Variants in TRIM62 observed in about 807,000 individuals in gnomAD.
TRIM62 encodes the protein tripartite motif containing 62.
In TRIM62, 39 loss-of-function variants were observed where a neutral mutation model predicts 44.2. That is an observed-to-expected ratio of 0.88 (90% CI 0.68 to 1.15). The LOEUF (loss-of-function observed/expected upper bound fraction) is 1.15, where lower values mean the gene tolerates loss of function less well. Among genes scored for constraint, TRIM62 ranks in the 50% most tolerant of loss-of-function variants. TRIM62 has a pLI of 0.00. For synonymous variants in TRIM62, 278 were observed against 292.3 expected, an observed-to-expected ratio of 0.95 and a Z score of 0.50; for missense variants, 544 against 665.5, an observed-to-expected ratio of 0.82 and a Z score of 2.01.
chr1:33,160,725 A>G (rs1645254818), intron 2 of TRIM62, among the ~76,000 whole-genome samples: 1 of 152,194 alleles, frequency 6.6e-6, no homozygotes, highest in African/African-American at 2.4e-5. Flanking sequence ...TTTTAAAAAA[A>G]TCATTCATGG....
chr1:33,158,448 G>C, intron 3 of TRIM62, 80 bp from the exon 4 acceptor site: 1 of 1,127,918 alleles, frequency 8.9e-7, no homozygotes, highest in South Asian at 1.3e-5. Flanking sequence ...GCCACCTTCA[G>C]GGCAGCTGGC....
intron 4 of TRIM62, among the ~76,000 whole-genome samples, chr1:33,153,090 T>G (rs1645125565): frequency 6.6e-6 from 1 of 151,684 alleles, no homozygotes; most frequent in African/African-American, 2.4e-5. Context: ...GAGTGACAGG[T>G]GCTGGATGGG....
At chr1:33,152,569 AAAAG>A (rs1490675794) in intron 4 of TRIM62, among the ~76,000 whole-genome samples, 2 of 146,964 alleles carry the variant, frequency 1.4e-5, no homozygotes, top group African/African-American at 4.9e-5. Flanking sequence ...CTCCGTCTCA[AAAAG>A]AAAAAAAAAA....
At chr1:33,151,775 A>T (rs1447176677) in intron 4 of TRIM62, among the ~76,000 whole-genome samples, 2 of 152,206 alleles carry the variant, frequency 1.3e-5, no homozygotes, top group African/African-American at 4.8e-5. Flanking sequence ...TTCAGGAAGG[A>T]TCATGGACTG....
At position 33,173,164 on chromosome 1, in the gene TRIM62, G is replaced by T. The variant is rs552171987; in HGVS notation, c.409-7598C>A. On this transcript the variant is annotated intron_variant, in intron 1 of 4. Transcript: ENST00000291416. ...TGCTCCTGGTCCTCCCAACAGACTG[G>T]AATTATTTTATATCTTTGAGCCCCA... 2.0e-3 allele frequency among the ~76,000 whole-genome samples: 302 copies of T among 152,158 alleles called. 3 individuals carry two copies. Among genetic ancestry groups the T allele is most frequent in the Non-Finnish European group, 3.0e-3 (201 of 68,010 alleles).
chr1:33,179,845 T>C (rs1645446749), intron 1 of TRIM62, among the ~76,000 whole-genome samples: 1 of 152,128 alleles, frequency 6.6e-6, no homozygotes, highest in African/African-American at 2.4e-5. Flanking sequence ...CACAGTAAAA[T>C]AGATTTATTT....
rs1557762459 is a variant in TRIM62 at position 33,174,968 on chromosome 1, T to TGCAC, written c.408+6056_408+6057insGTGC. Among the ~76,000 whole-genome samples the TGCAC allele has an allele frequency of 3.1e-3, 385 of 124,898 alleles. 5 individuals carry two copies. Among genetic ancestry groups the TGCAC allele is most frequent in the African/African-American group, 0.013 (363 of 27,460 alleles). The allele number at this position is 124,898 out of a possible 152,430, so 81.9% of individuals were successfully genotyped here. On this transcript the variant is annotated intron_variant, in intron 1 of 4. Coordinates refer to ENST00000291416, the MANE Select transcript of TRIM62 (RefSeq NM_018207.3). ...GTGTATATATATATATATATATATA[T>TGCAC]ACACACATATACATATATATGCACA...
chr1:33,147,236 G>A lies in TRIM62; in HGVS notation c.1369C>T (p.Gln457Ter). The A allele has an allele frequency of 6.2e-7, 1 of 1,614,062 alleles. No homozygotes were observed. Among genetic ancestry groups the A allele is most frequent in the Non-Finnish European group, 8.5e-7 (1 of 1,180,044 alleles). The change falls in exon 5 of 5, where the codon CAG becomes TAG. Residue 457 changes from glutamine (Q) to a stop codon, truncating the protein, a stop_gained. Coordinates refer to ENST00000291416, the MANE Select transcript of TRIM62 (RefSeq NM_018207.3). LOFTEE classifies it high-confidence loss of function. This position sits in a 1 kb window ranked among gnomAD's most constrained non-coding sequence, Gnocchi z 8.1. ...ACGTTCTTGCCATTGGCGTGGCTCT[G>A]GCCAGGGCTGAAGTAAGAGCAGAGC... is the stretch of plus-strand genomic sequence containing the variant. ...GKLCSYFSPG[Q>*]SHANGKNVQP...
intron 4 of TRIM62, among the ~76,000 whole-genome samples, chr1:33,151,309 C>T (rs1174758790): frequency 6.6e-6 from 1 of 152,084 alleles, no homozygotes; most frequent in Admixed American, 6.5e-5. Flanking sequence ...CAGGGCCTGC[C>T]ACTCTCTTAG....
rs1419780871 is a variant in TRIM62, at chr1:33,147,392, T to C, written c.1213A>G (p.Thr405Ala). 1 of 1,614,140 alleles carries C rather than the reference T, an allele frequency of 6.2e-7. No homozygotes were observed. The highest frequency in any genetic ancestry group is 8.5e-7 in the Non-Finnish European group (1 of 1,180,034). The change falls in exon 5 of 5, where the codon ACG (threonine) becomes GCG (alanine). Residue 405 changes from threonine to alanine, a missense_variant. By Grantham distance (58) the Thr-to-Ala change is moderately conservative (BLOSUM62 0). Transcript: ENST00000291416. The surrounding 1 kb of genome is among the most constrained non-coding windows in gnomAD (Gnocchi z 8.1). ...AGCTTGTCCCGGACGTTAAGCCGCG[T>C]CCAGGGCTCCGTGCAGGCGCTGTAC... ...NQYSACTEPWTRLNVRDKLDK... is the reference protein window; with the variant it reads ...NQYSACTEPWARLNVRDKLDK...
Position 33,181,238 on chromosome 1 carries a change from G to T in TRIM62, c.195C>A (p.Ser65Arg). Residue 65 changes from serine (S) to arginine (R), a missense_variant, in exon 1 of 5, where the codon AGC (serine) becomes AGA (arginine). Transcript: ENST00000291416. This position sits in a 1 kb window ranked among gnomAD's most constrained non-coding sequence, Gnocchi z 6.5. ...RTFAEPALAP[S>R]LKLANIVERY... Reference sequence around the variant, plus strand: ...GCTCCACGATGTTGGCCAGCTTGAGGCTGGGCGCCAGCGCGGGCTCGGCGA... The same window carrying T: ...GCTCCACGATGTTGGCCAGCTTGAGTCTGGGCGCCAGCGCGGGCTCGGCGA... 1.3e-6 allele frequency: 2 copies of T among 1,560,264 alleles called. No individual in the cohort carries two copies.
intron 1 of TRIM62, among the ~76,000 whole-genome samples, chr1:33,175,322 G>A (rs995905915): frequency 1.3e-5 from 2 of 151,954 alleles, no homozygotes; most frequent in African/African-American, 2.4e-5. Flanking sequence ...GATTACAGGC[G>A]TGGGCCACTG....
At chr1:33,148,040 C>A in intron 4 of TRIM62, among the ~76,000 whole-genome samples, 1 of 152,136 alleles carries the variant, frequency 6.6e-6, no homozygotes, top group East Asian at 1.9e-4. Flanking sequence ...AGAATGAGGC[C>A]TAGAATTGGG....
chr1:33,172,544 G>A (rs1242855920), intron 1 of TRIM62, among the ~76,000 whole-genome samples: 1 of 152,086 alleles, frequency 6.6e-6, no homozygotes, highest in Admixed American at 6.5e-5. Flanking sequence ...GGGCCCCATC[G>A]GAGCGGGGGT....
At position 33,146,869 on chromosome 1, in the gene TRIM62, T is replaced by G. The variant is rs1570278292; in HGVS notation, c.*308A>C. 2.6e-6 allele frequency: 1 copy of G among 388,604 alleles called. No homozygotes were observed. The highest frequency in any genetic ancestry group is 3.0e-5 in the South Asian group (1 of 32,820). The allele number at this position is 388,604 out of a possible 1,614,324, so 24.1% of individuals were successfully genotyped here. ...TGGGCTGGAGGGAGACACTGGAAGGTAGTCCCCTGCCCCTGAGAAGATGGG... is the reference window on the plus strand; with the variant it reads ...TGGGCTGGAGGGAGACACTGGAAGGGAGTCCCCTGCCCCTGAGAAGATGGG... On this transcript the variant is annotated 3_prime_UTR_variant, in exon 5 of 5. Transcript: ENST00000291416.
intron 1 of TRIM62, among the ~76,000 whole-genome samples, chr1:33,174,216 T>G (rs1407631826): frequency 2.0e-5 from 3 of 151,896 alleles, no homozygotes; most frequent in Admixed American, 2.0e-4. Flanking sequence ...CTCACTCTGT[T>G]GCCCAGGCTG....
In TRIM62 at chr1:33,161,137, GTGT is replaced by G. The variant is rs1334784788; in HGVS notation, c.505-1196_505-1194del. Among the ~76,000 whole-genome samples, 3 of 152,204 alleles carry G rather than the reference GTGT, an allele frequency of 2.0e-5. 1 individual carries two copies. The highest frequency in any genetic ancestry group is 2.9e-5 in the Non-Finnish European group (2 of 68,030). ...ATTGTGGTGAAGATGAAATGAGGGG[GTGT>G]TGTTGTGCGCACTCCAAGGCGCAGA... is the stretch of plus-strand genomic sequence containing the variant. On this transcript the variant is annotated intron_variant, in intron 2 of 4. Transcript: ENST00000291416. This position sits in a 1 kb window ranked among gnomAD's most constrained non-coding sequence, Gnocchi z 4.3.
At chr1:33,158,128 C>T (rs1645206556) in intron 4 of TRIM62, 125 bp downstream of exon 4, 2 of 783,200 alleles carry the variant, frequency 2.6e-6, no homozygotes, top group South Asian at 3.2e-5. Flanking sequence ...CTGGAACACA[C>T]TAGGTGCTCA....
intron 2 of TRIM62, among the ~76,000 whole-genome samples, chr1:33,162,455 A>C (rs907573333): frequency 6.6e-6 from 1 of 152,090 alleles, no homozygotes; most frequent in Non-Finnish European, 1.5e-5. Flanking sequence ...ATTGTCCCAC[A>C]TTTTCTGTCT....
Sources: gnomAD v4.1 joint callset for allele counts (sites outside exome capture counted in the v4.1 genomes callset) on GRCh38, gnomAD v4.1.1 for gene constraint, Gnocchi (gnomAD v3.1) non-coding constraint, MANE v1.5 for transcripts, NCBI Gene and HGNC (gene_info 2026-07-23, HGNC 2026-07-21) for gene names.